Variants in ARHGAP26 observed in about 807,000 individuals in gnomAD.
The protein encoded by ARHGAP26 is rho GTPase-activating protein 26.
Under a neutral mutation model 104.8 loss-of-function variants are expected in ARHGAP26, and 38 were observed. The ratio of observed to expected loss-of-function variants is 0.36; its 90% CI spans 0.28 to 0.48. The LOEUF (loss-of-function observed/expected upper bound fraction) is 0.48. Ranked by LOEUF, ARHGAP26 falls within the 20% of genes least tolerant of loss-of-function variation. ARHGAP26 has a pLI of 0.99. For missense variants in ARHGAP26, 704 were observed against 947.9 expected (o/e 0.74, Z 3.38); for synonymous variants, 341 against 340.0 (o/e 1.00, Z -0.03).
At chr5:143,114,880 G>C (rs961955248) in intron 17 of ARHGAP26, among the ~76,000 whole-genome samples, 2 of 152,144 alleles carry the variant, frequency 1.3e-5, no homozygotes, top group Non-Finnish European at 2.9e-5. Context: ...TTCTTTGTAG[G>C]GTGGTGGGCT....
chr5:142,993,326 C>T (rs975607303), intron 11 of ARHGAP26, among the ~76,000 whole-genome samples: 12 of 151,932 alleles, frequency 7.9e-5, no homozygotes, highest in Non-Finnish European at 1.2e-4. Flanking sequence ...CCCGCCACCG[C>T]GCCCGGCTAA....
intron 1 of ARHGAP26, among the ~76,000 whole-genome samples, chr5:142,847,546 G>A (rs1772261634): frequency 6.6e-6 from 1 of 152,112 alleles, no homozygotes; most frequent in Non-Finnish European, 1.5e-5. Context: ...TAGTAGAGAC[G>A]GGGTTTCTCC....
At chr5:142,991,036 T>C (rs1775533309) in intron 11 of ARHGAP26, among the ~76,000 whole-genome samples, 1 of 152,208 alleles carries the variant, frequency 6.6e-6, no homozygotes, top group Non-Finnish European at 1.5e-5. Flanking sequence ...GCTGCCTTTT[T>C]TTCAGCTATT....
chr5:142,847,515 G>C (rs1205662930), intron 1 of ARHGAP26, among the ~76,000 whole-genome samples: 1 of 152,146 alleles, frequency 6.6e-6, no homozygotes, highest in Non-Finnish European at 1.5e-5. Flanking sequence ...GCGCCACCAT[G>C]CCTGGCTAAT....
chr5:143,201,344 T>A (rs1807694558), intron 20 of ARHGAP26, among the ~76,000 whole-genome samples: 2 of 152,220 alleles, frequency 1.3e-5, no homozygotes, highest in Non-Finnish European at 2.9e-5. Context: ...AGTCATCTGC[T>A]AAAATTGTAG....
intron 11 of ARHGAP26, among the ~76,000 whole-genome samples, chr5:142,991,733 A>G (rs188918221): frequency 9.2e-5 from 14 of 152,356 alleles, no homozygotes; most frequent in East Asian, 1.9e-4. Flanking sequence ...TCTCCTAGGA[A>G]CAATAGGCTA....
At chr5:142,949,190 A>AGAGAGAGAGAGAG (rs1767737313) in intron 11 of ARHGAP26, among the ~76,000 whole-genome samples, 1 of 36,790 alleles carries the variant, frequency 2.7e-5, no homozygotes, top group Non-Finnish European at 4.7e-5. Flanking sequence ...AGAGAGAGAG[A>AGAGAGAGAGAGAG]GAGAGAGAGA....
chr5:142,879,227 G>A (rs997533313), intron 3 of ARHGAP26, 147 bp from the exon 4 acceptor site: 14 of 736,060 alleles, frequency 1.9e-5, no homozygotes, highest in Non-Finnish European at 2.7e-5. Context: ...CTATTAGTTC[G>A]AAGGTTGTAA....
At chr5:142,906,390 A>G (rs1180883932) in intron 8 of ARHGAP26, among the ~76,000 whole-genome samples, 1 of 152,182 alleles carries the variant, frequency 6.6e-6, no homozygotes, top group Non-Finnish European at 1.5e-5. Flanking sequence ...GATCTTTACT[A>G]TGATGGTTGC....
At chr5:143,078,965 G>C (rs1268561812) in intron 17 of ARHGAP26, among the ~76,000 whole-genome samples, 1 of 152,228 alleles carries the variant, frequency 6.6e-6, no homozygotes, top group African/African-American at 2.4e-5. Flanking sequence ...TATCTTGATT[G>C]TGCTCTGCAA....
chr5:143,197,245 A>G (rs1807015534), intron 20 of ARHGAP26, among the ~76,000 whole-genome samples: 1 of 152,214 alleles, frequency 6.6e-6, no homozygotes. Flanking sequence ...CAATGGAACT[A>G]CTGGGTCCAA....
chr5:142,818,903 C>G (rs535979902), intron 1 of ARHGAP26, among the ~76,000 whole-genome samples: 1 of 152,228 alleles, frequency 6.6e-6, no homozygotes, highest in African/African-American at 2.4e-5. Context: ...TGATAAGGTT[C>G]AAGCCCTACC....
chr5:142,820,362 T>G (rs974238911), intron 1 of ARHGAP26, among the ~76,000 whole-genome samples: 5 of 152,046 alleles, frequency 3.3e-5, no homozygotes, highest in African/African-American at 1.2e-4. Flanking sequence ...TTAGTAAGGG[T>G]TTCATAGTAA....
chr5:142,909,383 AG>A (rs1477414697), intron 9 of ARHGAP26, among the ~76,000 whole-genome samples: 4 of 152,190 alleles, frequency 2.6e-5, no homozygotes, highest in African/African-American at 7.2e-5. Context: ...ATTATAGAGT[AG>A]GGGTTAAAAG....
chr5:142,879,287 G>A, intron 3 of ARHGAP26, 87 bp from the exon 4 acceptor site: 1 of 1,206,568 alleles, frequency 8.3e-7, no homozygotes, highest in South Asian at 1.2e-5. Context: ...TTAAGACATG[G>A]GGAGGCATCT....
intron 1 of ARHGAP26, among the ~76,000 whole-genome samples, chr5:142,789,716 C>T (rs1433377520): frequency 6.6e-6 from 1 of 152,188 alleles, no homozygotes; most frequent in Non-Finnish European, 1.5e-5. Context: ...CTTGCACCCC[C>T]ACCCATACAC....
intron 12 of ARHGAP26, among the ~76,000 whole-genome samples, chr5:143,035,662 G>A (rs1267241732): frequency 6.6e-6 from 1 of 152,114 alleles, no homozygotes; most frequent in Non-Finnish European, 1.5e-5. Context: ...TAGGCCAGGT[G>A]CGGTGGCTCA....
chr5:143,014,450 T>G, intron 12 of ARHGAP26: 1 of 291,418 alleles, frequency 3.4e-6, no homozygotes, highest in Non-Finnish European at 6.5e-6. Flanking sequence ...AATACAACAA[T>G]ACTCAACTCC....
intron 3 of ARHGAP26, among the ~76,000 whole-genome samples, chr5:142,878,456 T>A (rs1359910828): frequency 6.6e-6 from 1 of 152,182 alleles, no homozygotes; most frequent in Non-Finnish European, 1.5e-5. Context: ...TGCTGCTTTG[T>A]CTCAGCACTC....
Sources: gnomAD v4.1 joint callset for allele counts (sites outside exome capture counted in the v4.1 genomes callset) on GRCh38, gnomAD v4.1.1 for gene constraint, MANE v1.5 for transcripts, NCBI Gene and HGNC (gene_info 2026-07-23, HGNC 2026-07-21) for gene names.